Variants in CCDC13 observed in about 807,000 individuals in gnomAD.
CCDC13 encodes the protein coiled-coil domain containing 13, also known as coiled-coil domain-containing protein 13.
Under a neutral mutation model 87.3 loss-of-function variants are expected in CCDC13, and 70 were observed. The observed-to-expected ratio is 0.80, with a 90% CI of 0.66 to 0.98. The LOEUF is 0.98. Among genes scored for constraint, CCDC13 ranks in the 50% least tolerant of loss-of-function variants. The probability of loss-of-function intolerance (pLI) is 0.00; values close to 1 mark genes in which losing one functional copy is unlikely to be tolerated. For missense variants in CCDC13, 842 were observed against 892.0 expected, an observed-to-expected ratio of 0.94 and a Z score of 0.71; for synonymous variants, 317 against 360.3, an observed-to-expected ratio of 0.88 and a Z score of 1.36.
chr3:42,731,260 G>A (rs76386966), intron 12 of CCDC13, among the ~76,000 whole-genome samples: 1 of 151,796 alleles, frequency 6.6e-6, no homozygotes, highest in Admixed American at 6.6e-5. Context: ...GCAGTACAGG[G>A]CATAGGGAAG....
At chr3:42,729,128 A>C (rs1698759973) in intron 13 of CCDC13, among the ~76,000 whole-genome samples, 1 of 152,218 alleles carries the variant, frequency 6.6e-6, no homozygotes, top group African/African-American at 2.4e-5. Context: ...ATTGTGTTTG[A>C]AGCCACTAGG....
chr3:42,766,220 G>T (rs1699929185), intron 1 of CCDC13, among the ~76,000 whole-genome samples: 1 of 152,064 alleles, frequency 6.6e-6, no homozygotes, highest in African/African-American at 2.4e-5. Context: ...ACTTTGAGAT[G>T]CTGGGTGGGC....
chr3:42,737,250 T>C (rs1433280126), intron 9 of CCDC13, among the ~76,000 whole-genome samples: 1 of 152,210 alleles, frequency 6.6e-6, no homozygotes, highest in African/African-American at 2.4e-5. Flanking sequence ...AACTCATCCT[T>C]TTTTATGGCT....
At position 42,722,922 on chromosome 3, in the gene CCDC13, G is replaced by A. The variant is rs369407842; in HGVS notation, c.1718+7545C>T. Among the ~76,000 whole-genome samples the A allele has an allele frequency of 5.9e-4, 89 of 149,666 alleles. No homozygotes were observed. The East Asian group carries it at 7.0e-3, about 12-fold the overall frequency. On this transcript the variant is annotated intron_variant, in intron 13 of 15. Transcript: ENST00000310232. ...CGCCATTCTCCTGCCTCAGCCTCCC[G>A]TGTAGCTGGGACTACAGGTGCCCAC...
In CCDC13 at chr3:42,733,612, G is replaced by T; in HGVS notation, c.1372-3C>A. On this transcript the variant is annotated splice_region_variant and splice_polypyrimidine_tract_variant and intron_variant, in intron 10 of 15. Coordinates refer to ENST00000310232, the MANE Select transcript of CCDC13 (RefSeq NM_144719.4). ...CCCACTCCTTTATTCCGAAGATACT[G>T]TAGGAACAGATGTGGGTTCCATCCT... The T allele has an allele frequency of 1.3e-6, 2 of 1,599,686 alleles. No homozygotes were observed. Among genetic ancestry groups the T allele is most frequent in the Non-Finnish European group, 1.7e-6 (2 of 1,172,218 alleles).
intron 11 of CCDC13, 152 bp from the exon 12 acceptor site, chr3:42,733,122 T>C: frequency 1.5e-6 from 1 of 672,730 alleles, no homozygotes; most frequent in Non-Finnish European, 2.5e-6. Context: ...TTTCCAGAAC[T>C]CTTGTTTGCT....
At chr3:42,716,360 A>G (rs17074769) in intron 13 of CCDC13, among the ~76,000 whole-genome samples, 3,183 of 152,340 alleles carry the variant, frequency 0.021, 129 homozygotes, top group African/African-American at 0.071. Context: ...ATGGCTTCCT[A>G]TAAGTTTACA....
At position 42,723,087 on chromosome 3, in the gene CCDC13, G is replaced by A. The variant is rs533876670; in HGVS notation, c.1718+7380C>T. Reference sequence around the variant, plus strand: ...GCTGGGATTACAGGCGTGAGCCACCGCACCTGGCCTATTCCTTTACTTTCT... The same window carrying A: ...GCTGGGATTACAGGCGTGAGCCACCACACCTGGCCTATTCCTTTACTTTCT... On this transcript the variant is annotated intron_variant, in intron 13 of 15. Transcript: ENST00000310232. Among the ~76,000 whole-genome samples the A allele has an allele frequency of 1.2e-4, 18 of 152,218 alleles. No homozygotes were observed. In the East Asian group the frequency reaches 2.5e-3, roughly 21 times the overall value.
At chr3:42,747,803 A>G (rs1198294728) in intron 5 of CCDC13, among the ~76,000 whole-genome samples, 2 of 152,128 alleles carry the variant, frequency 1.3e-5, no homozygotes, top group East Asian at 1.9e-4. Context: ...CAGCTAATCC[A>G]TCTTCACTCA....
At chr3:42,726,334 G>A (rs1698688037) in intron 13 of CCDC13, among the ~76,000 whole-genome samples, 1 of 152,180 alleles carries the variant, frequency 6.6e-6, no homozygotes, top group African/African-American at 2.4e-5. Flanking sequence ...GAGCCACTGT[G>A]CCTGGCTGAG....
At position 42,757,085 on chromosome 3, in the gene CCDC13, CTCT is replaced by C; in HGVS notation, c.348_350del (p.Glu117del). On this transcript the variant is annotated inframe_deletion, in exon 3 of 16. Coordinates refer to ENST00000310232, the MANE Select transcript of CCDC13 (RefSeq NM_144719.4). Reference sequence around the variant, plus strand: ...AGCTACCTGTGAAGGCAAATCTGTCCTCTTCTATTTTCTTTTTGAGGTGTTTGA... The same window carrying C: ...AGCTACCTGTGAAGGCAAATCTGTCCTCTATTTTCTTTTTGAGGTGTTTGA... The C allele has an allele frequency of 6.2e-7, 1 of 1,614,084 alleles. No individual in the cohort carries two copies. The highest frequency in any genetic ancestry group is 1.3e-5 in the African/African-American group (1 of 75,052).
Position 42,758,366 on chromosome 3 carries a change from T to A in CCDC13, c.-6-15A>T, listed in dbSNP as rs339678. 0.95 allele frequency: 1,537,452 copies of A among 1,609,992 alleles called. 734,306 individuals are homozygous for A. The highest frequency in any genetic ancestry group is 1 in the East Asian group (44,874 of 44,880). Reference sequence around the variant, plus strand: ...GCCATCCTGCCCTAGGCATCAGAAATGAAGCCTCAGCTGAAGCAAACTCCA... The same window carrying A: ...GCCATCCTGCCCTAGGCATCAGAAAAGAAGCCTCAGCTGAAGCAAACTCCA... On this transcript the variant is annotated splice_polypyrimidine_tract_variant and intron_variant, in intron 1 of 15. Coordinates refer to ENST00000310232, the MANE Select transcript of CCDC13 (RefSeq NM_144719.4).
intron 1 of CCDC13, among the ~76,000 whole-genome samples, chr3:42,761,491 G>A (rs1699831688): frequency 6.6e-6 from 1 of 152,160 alleles, no homozygotes; most frequent in South Asian, 2.1e-4. Context: ...CTTGTTGACT[G>A]CCTCTCTCCC....
chr3:42,757,185 C>A lies in CCDC13; in HGVS notation c.251G>T (p.Arg84Leu), dbSNP rs144943082. The A allele has an allele frequency of 6.8e-6, 11 of 1,614,128 alleles. No homozygotes were observed. The highest frequency in any genetic ancestry group is 3.3e-5 in the Admixed American group (2 of 60,028). The change falls in exon 3 of 16, where the codon CGA (arginine) becomes CTA (leucine). Residue 84 changes from arginine to leucine, a missense_variant. By Grantham distance (102) the Arg-to-Leu change is moderately radical (BLOSUM62 -2). Transcript: ENST00000310232. ...RVLEDEIEHLRNELRETVDEN... is the reference protein window; with the variant it reads ...RVLEDEIEHLLNELRETVDEN... ...GTCCACCGTTTCCCTGAGCTCATTT[C>A]GAAGGTGTTCAATCTCATCTTCAAG...
rs1699742137 is a variant in CCDC13 at position 42,758,061 on chromosome 3, G to T, written c.221+64C>A. ...TACAAGTTTTGCTATAGCTCCGGTG[G>T]TACACACACACACACACACACACAC... On this transcript the variant is annotated intron_variant, in intron 2 of 15. Transcript: ENST00000310232. 19 of 766,518 alleles carry T rather than the reference G, an allele frequency of 2.5e-5. No individual in the cohort carries two copies. In the South Asian group the frequency reaches 4.2e-4, roughly 17 times the overall value. The allele number at this position is 766,518 out of a possible 1,614,324, so 47.5% of individuals were successfully genotyped here. A position where few individuals can be genotyped will look rare whatever the true frequency, so the allele number is the denominator to read the frequency against.
intron 3 of CCDC13, among the ~76,000 whole-genome samples, chr3:42,754,011 C>T (rs1699647883): frequency 6.6e-6 from 1 of 152,138 alleles, no homozygotes; most frequent in Non-Finnish European, 1.5e-5. Context: ...AGTCCCTTGC[C>T]CTCTCTGGAG....
At chr3:42,746,087 C>T (rs1699387746) in intron 6 of CCDC13, 60 bp from the exon 7 acceptor site, 12 of 1,212,480 alleles carry the variant, frequency 9.9e-6, no homozygotes, top group Non-Finnish European at 1.5e-5. Context: ...GACCCTGATG[C>T]TGCTACGTAT....
At chr3:42,772,480 T>C (rs952308016) in intron 1 of CCDC13, among the ~76,000 whole-genome samples, 25 of 152,034 alleles carry the variant, frequency 1.6e-4, no homozygotes, top group Non-Finnish European at 3.5e-4. Context: ...CCTTGCCCCA[T>C]CGGCCTGCCA....
rs561023450 is a variant in CCDC13 at position 42,713,850 on chromosome 3, G to C, written c.1719-534C>G. The C allele has an allele frequency of 2.6e-5, 4 of 152,296 alleles. No homozygotes were observed. In the East Asian group the frequency reaches 7.7e-4, roughly 29 times the overall value. 9.4% of individuals were successfully genotyped at this position (152,296 alleles called of 1,614,324 possible). ...CACAAATCTATTATCTCACAGTTCT[G>C]TAAGTCAGAGGCCTGGCAAGCTCAG... On this transcript the variant is annotated intron_variant, in intron 13 of 15. Transcript: ENST00000310232.
Sources: gnomAD v4.1 joint callset for allele counts (sites outside exome capture counted in the v4.1 genomes callset) on GRCh38, gnomAD v4.1.1 for gene constraint, MANE v1.5 for transcripts, NCBI Gene and HGNC (gene_info 2026-07-23, HGNC 2026-07-21) for gene names.